CDC73: variants seen among roughly 807,000 people sequenced by gnomAD.
The protein encoded by CDC73 is parafibromin.
In CDC73, 21 loss-of-function variants were observed where a neutral mutation model predicts 83.7. The ratio of observed to expected loss-of-function variants is 0.25; its 90% CI spans 0.18 to 0.36. The LOEUF (loss-of-function observed/expected upper bound fraction) is 0.36, where lower values mean the gene tolerates loss of function less well. Ranked by LOEUF, CDC73 falls within the 10% of genes least tolerant of loss-of-function variation. CDC73 has a pLI of 1.00. For missense variants in CDC73, 342 were observed against 653.3 expected, an observed-to-expected ratio of 0.52 and a Z score of 5.19; for synonymous variants, 224 against 212.9, an observed-to-expected ratio of 1.05 and a Z score of -0.45.
intron 10 of CDC73, among the ~76,000 whole-genome samples, chr1:193,162,368 G>GTATA (rs775458466): frequency 7.5e-6 from 1 of 134,032 alleles, no homozygotes; most frequent in Admixed American, 8.4e-5. Context: ...TATATATAGT[G>GTATA]TATATATATA....
intron 10 of CDC73, among the ~76,000 whole-genome samples, chr1:193,189,166 C>T (rs549289028): frequency 2.0e-4 from 31 of 152,222 alleles, no homozygotes; most frequent in African/African-American, 7.2e-4. Flanking sequence ...GTTGCCCAGG[C>T]CAGTCTCAAA....
intron 15 of CDC73, among the ~76,000 whole-genome samples, chr1:193,247,366 G>C: frequency 6.6e-6 from 1 of 151,822 alleles, no homozygotes; most frequent in East Asian, 1.9e-4. Context: ...CTGCCCCACT[G>C]ACCAATTAGT....
chr1:193,208,958 T>A (rs1381359133), intron 11 of CDC73, among the ~76,000 whole-genome samples: 1 of 151,958 alleles, frequency 6.6e-6, no homozygotes, highest in Non-Finnish European at 1.5e-5. Context: ...TTGCATTATA[T>A]CTAAAGGACA....
chr1:193,159,042 A>G (rs1676257809), intron 10 of CDC73, among the ~76,000 whole-genome samples: 1 of 152,180 alleles, frequency 6.6e-6, no homozygotes, highest in Non-Finnish European at 1.5e-5. Context: ...CTCTTTTAGC[A>G]CAAAGAAGCT....
chr1:193,164,132 A>G (rs772626973), intron 10 of CDC73, among the ~76,000 whole-genome samples: 23 of 152,186 alleles, frequency 1.5e-4, no homozygotes, highest in Admixed American at 2.6e-4. Flanking sequence ...TTACATTTAC[A>G]TTTTATATTA....
At chr1:193,142,285 G>T (rs2103126803) in intron 7 of CDC73, among the ~76,000 whole-genome samples, 1 of 152,198 alleles carries the variant, frequency 6.6e-6, no homozygotes, top group Non-Finnish European at 1.5e-5. Flanking sequence ...TGAAAAAGTA[G>T]GAATCAAAAT....
intron 11 of CDC73, among the ~76,000 whole-genome samples, chr1:193,206,056 AAGAAGTT>A (rs1206893462): frequency 6.6e-6 from 1 of 152,176 alleles, no homozygotes; most frequent in Non-Finnish European, 1.5e-5. Context: ...ATTTTCATAA[AAGAAGTT>A]AGTATGTAAG....
chr1:193,220,157 C>CTT lies in CDC73; in HGVS notation c.1154+7706_1154+7707dup, dbSNP rs776793164. On this transcript the variant is annotated intron_variant, in intron 13 of 16. Coordinates refer to ENST00000367435, the MANE Select transcript of CDC73 (RefSeq NM_024529.5). The stretch of plus-strand genomic sequence containing the variant: ...TTTCTCAGTAAAGTAACAATGATAA[C>CTT]TTTTTTTTTTTTTTTTTTTTTTTTT... Among the ~76,000 whole-genome samples, 695 of 108,800 alleles carry CTT rather than the reference C, an allele frequency of 6.4e-3. 51 individuals are homozygous for CTT. Among genetic ancestry groups the CTT allele is most frequent in the African/African-American group, 0.011 (311 of 28,150 alleles). 71.4% of individuals were successfully genotyped at this position (108,800 alleles called of 152,430 possible).
chr1:193,133,727 C>T (rs1041079539), intron 3 of CDC73, among the ~76,000 whole-genome samples: 2 of 152,092 alleles, frequency 1.3e-5, no homozygotes, highest in African/African-American at 2.4e-5. Flanking sequence ...AATATTTCAA[C>T]TCATCACAGA....
At chr1:193,247,851 G>A (rs1042125885) in intron 15 of CDC73, among the ~76,000 whole-genome samples, 4 of 152,052 alleles carry the variant, frequency 2.6e-5, no homozygotes, top group Non-Finnish European at 4.4e-5. Context: ...AAGTTGGAAG[G>A]TAGCAGTAGA....
chr1:193,168,028 T>G (rs1309244832), intron 10 of CDC73, among the ~76,000 whole-genome samples: 1 of 152,014 alleles, frequency 6.6e-6, no homozygotes, highest in African/African-American at 2.4e-5. Context: ...GACTGGCTAA[T>G]TTTTGTATTT....
chr1:193,212,188 C>G (rs1677291302), intron 12 of CDC73, 88 bp downstream of exon 12: 1 of 1,111,096 alleles, frequency 9.0e-7, no homozygotes, highest in Non-Finnish European at 1.3e-6. Flanking sequence ...GCAGCTGTAT[C>G]ACATGTTTGT....
intron 11 of CDC73, among the ~76,000 whole-genome samples, chr1:193,211,488 TAAGGGA>T (rs1677280095): frequency 6.6e-6 from 1 of 152,206 alleles, no homozygotes; most frequent in African/African-American, 2.4e-5. Context: ...CCTTTTCACC[TAAGGGA>T]AACACTTAAT....
intron 10 of CDC73, 110 bp downstream of exon 10, chr1:193,152,554 T>A: frequency 1.4e-6 from 1 of 739,246 alleles, no homozygotes. Context: ...ACATTTTTCT[T>A]TATTGATCAC....
intron 10 of CDC73, among the ~76,000 whole-genome samples, chr1:193,163,617 A>T (rs1488245172): frequency 6.6e-6 from 1 of 152,176 alleles, no homozygotes; most frequent in African/African-American, 2.4e-5. Flanking sequence ...AGTAGACATA[A>T]ATCATCTAAT....
intron 10 of CDC73, among the ~76,000 whole-genome samples, chr1:193,184,552 T>C (rs1539725): frequency 0.32 from 49,257 of 151,750 alleles, 9,542 homozygotes; most frequent in South Asian, 0.58. Context: ...TGTAAAATGC[T>C]GTTCAGTACA....
At chr1:193,250,646 C>T (rs762934220) in intron 16 of CDC73, 30 bp from the exon 17 acceptor site, 3 of 1,534,920 alleles carry the variant, frequency 2.0e-6, no homozygotes, top group East Asian at 2.3e-5. Context: ...TTCCTATAGT[C>T]ATTATAACCT....
intron 11 of CDC73, among the ~76,000 whole-genome samples, chr1:193,208,457 G>A (rs1375079666): frequency 6.6e-6 from 1 of 152,066 alleles, no homozygotes; most frequent in Non-Finnish European, 1.5e-5. Flanking sequence ...TTATTCAGTT[G>A]GCTTTGAATT....
At chr1:193,183,380 A>G (rs1228382080) in intron 10 of CDC73, among the ~76,000 whole-genome samples, 2 of 149,830 alleles carry the variant, frequency 1.3e-5, no homozygotes, top group Non-Finnish European at 3.0e-5. Context: ...AAAGATGTGA[A>G]CAATTTTTTT....
Sources: gnomAD v4.1 joint callset for allele counts (sites outside exome capture counted in the v4.1 genomes callset) on GRCh38, gnomAD v4.1.1 for gene constraint, MANE v1.5 for transcripts, NCBI Gene and HGNC (gene_info 2026-07-23, HGNC 2026-07-21) for gene names.